GALNT18: variants seen among roughly 807,000 people sequenced by gnomAD.
GALNT18 encodes GalNAc-transferase 18.
Under a neutral mutation model 69.5 loss-of-function variants are expected in GALNT18, and 44 were observed. That is an observed-to-expected ratio of 0.63 (90% confidence interval 0.50 to 0.81). The LOEUF is 0.81. Among genes scored for constraint, GALNT18 ranks in the 40% least tolerant of loss-of-function variants. GALNT18 has a pLI of 0.00. For missense variants in GALNT18, 715 were observed against 810.0 expected (o/e 0.88, Z 1.42); for synonymous variants, 364 against 318.2 (o/e 1.14, Z -1.53).
At chr11:11,323,792 T>C (rs1175384409) in intron 9 of GALNT18, among the ~76,000 whole-genome samples, 1 of 152,230 alleles carries the variant, frequency 6.6e-6, no homozygotes, top group Non-Finnish European at 1.5e-5. Flanking sequence ...TCTACAGGTG[T>C]AATTTCATCT....
rs1589987706 is a variant in GALNT18, at chr11:11,421,609, G to A, written c.595+11012C>T. Among the ~76,000 whole-genome samples, 1 of 152,142 alleles carries A rather than the reference G, an allele frequency of 6.6e-6. No individual in the cohort carries two copies. Among genetic ancestry groups the A allele is most frequent in the African/African-American group, 2.4e-5 (1 of 41,432 alleles). On this transcript the variant is annotated intron_variant, in intron 3 of 10. Transcript: ENST00000227756. The surrounding 1 kb of genome is among the most constrained non-coding windows in gnomAD (Gnocchi z 5.6). ...GACAGGAAACAGAGGCAGGCCAAAC[G>A]CAGGACCAATGCAGAGAAGGTTGGG... is the stretch of plus-strand genomic sequence containing the variant.
intron 1 of GALNT18, among the ~76,000 whole-genome samples, chr11:11,453,238 C>T (rs57116276): frequency 0.025 from 3,770 of 152,286 alleles, 153 homozygotes; most frequent in African/African-American, 0.087. Context: ...CCAGGGGAAA[C>T]ATTACCATGC....
chr11:11,572,131 G>A (rs577252655), intron 1 of GALNT18, among the ~76,000 whole-genome samples: 17 of 152,370 alleles, frequency 1.1e-4, no homozygotes, highest in African/African-American at 3.4e-4. Context: ...GCCGCAGGGC[G>A]TGGGCATCAT....
chr11:11,379,684 C>T (rs1010742888), intron 3 of GALNT18, among the ~76,000 whole-genome samples: 1 of 152,202 alleles, frequency 6.6e-6, no homozygotes, highest in Admixed American at 6.5e-5. Context: ...TCCTATTGGT[C>T]TCCATCTCCA....
chr11:11,489,358 A>T (rs1372337431), intron 1 of GALNT18, among the ~76,000 whole-genome samples: 2 of 152,154 alleles, frequency 1.3e-5, no homozygotes, highest in Non-Finnish European at 2.9e-5. Context: ...GTGCTAGGAG[A>T]GGACTAGTAC....
At chr11:11,447,619 A>G (rs748287450) in intron 2 of GALNT18, among the ~76,000 whole-genome samples, 5 of 152,214 alleles carry the variant, frequency 3.3e-5, no homozygotes, top group Non-Finnish European at 5.9e-5. Context: ...AGGCCTCAGG[A>G]AACTTACAAT....
chr11:11,441,241 C>T (rs565202442), intron 2 of GALNT18, among the ~76,000 whole-genome samples: 12 of 152,312 alleles, frequency 7.9e-5, no homozygotes, highest in Admixed American at 7.8e-4. Context: ...TTAACCAGAA[C>T]CAGAGGTATT....
chr11:11,326,041 CTTT>C (rs34393732), intron 9 of GALNT18, among the ~76,000 whole-genome samples: 63 of 105,406 alleles, frequency 6.0e-4, no homozygotes, highest in Non-Finnish European at 5.9e-4. Context: ...TGCTAAATAT[CTTT>C]TTTTTTTTTT....
chr11:11,353,922 T>C (rs1362740135), intron 6 of GALNT18, among the ~76,000 whole-genome samples: 1 of 152,150 alleles, frequency 6.6e-6, no homozygotes, highest in Non-Finnish European at 1.5e-5. Context: ...ATCAGAGGAA[T>C]GTCTGGTGTC....
chr11:11,345,184 C>T (rs142012629), intron 6 of GALNT18, among the ~76,000 whole-genome samples: 300 of 152,286 alleles, frequency 2.0e-3, no homozygotes, highest in Admixed American at 4.6e-3. Flanking sequence ...AAAGGGCACT[C>T]ATCTATAGAG....
intron 5 of GALNT18, among the ~76,000 whole-genome samples, chr11:11,374,128 A>G (rs767647782): frequency 6.6e-6 from 1 of 152,168 alleles, no homozygotes; most frequent in Non-Finnish European, 1.5e-5. Flanking sequence ...ACAGACCTGC[A>G]GGCATCCTGG....
At chr11:11,279,843 A>G (rs1370380449) in intron 10 of GALNT18, among the ~76,000 whole-genome samples, 5 of 152,154 alleles carry the variant, frequency 3.3e-5, no homozygotes, top group African/African-American at 1.2e-4. Context: ...GTTTTAAACC[A>G]TGGAGTTGAA....
chr11:11,428,893 T>C (rs185712863), intron 3 of GALNT18, among the ~76,000 whole-genome samples: 4 of 152,344 alleles, frequency 2.6e-5, no homozygotes, highest in Admixed American at 2.6e-4. Context: ...ATCGTGTGTG[T>C]ATGGGTGTGA....
chr11:11,559,081 C>G (rs143391875), intron 1 of GALNT18, among the ~76,000 whole-genome samples: 305 of 152,302 alleles, frequency 2.0e-3, no homozygotes, highest in African/African-American at 7.0e-3. Context: ...CCTTCACAGG[C>G]TGTTAAGAGG....
intron 8 of GALNT18, 63 bp from the exon 9 acceptor site, chr11:11,327,244 A>G: frequency 8.3e-7 from 1 of 1,204,636 alleles, no homozygotes; most frequent in Non-Finnish European, 1.2e-6. Context: ...AAATGAATTA[A>G]CTCTGGAGAA....
rs796927501 is a variant in GALNT18 at position 11,444,618 on chromosome 11, G to A, written c.428+4126C>T. Reference sequence around the variant, plus strand: ...CAGCATGGTCCTATCTCAGCCACATGACAAGCTGGGTCAGATTACATCTTT... The same window carrying A: ...CAGCATGGTCCTATCTCAGCCACATAACAAGCTGGGTCAGATTACATCTTT... On this transcript the variant is annotated intron_variant, in intron 2 of 10. Coordinates refer to ENST00000227756, the MANE Select transcript of GALNT18 (RefSeq NM_198516.3). This position sits in a 1 kb window ranked among gnomAD's most constrained non-coding sequence, Gnocchi z 4.4. Among the ~76,000 whole-genome samples, 7 of 152,268 alleles carry A rather than the reference G, an allele frequency of 4.6e-5. No individual in the cohort carries two copies. The highest frequency in any genetic ancestry group is 1.7e-4 in the African/African-American group (7 of 41,560).
In GALNT18 at chr11:11,458,385, A is replaced by G. The variant is rs529229900; in HGVS notation, c.236-9449T>C. ...CATAAAATTCACCCATTTTAAATGT[A>G]CAATTCAATGATTTTTTTAAAAAAA... On this transcript the variant is annotated intron_variant, in intron 1 of 10. Coordinates refer to ENST00000227756, the MANE Select transcript of GALNT18 (RefSeq NM_198516.3). Among the ~76,000 whole-genome samples, 171 of 152,366 alleles carry G rather than the reference A, an allele frequency of 1.1e-3. 1 individual carries two copies. The highest frequency in any genetic ancestry group is 3.9e-3 in the African/African-American group (162 of 41,586).
chr11:11,517,362 T>G (rs1221692659), intron 1 of GALNT18, among the ~76,000 whole-genome samples: 2 of 152,212 alleles, frequency 1.3e-5, no homozygotes, highest in Non-Finnish European at 2.9e-5. Context: ...CTACTGGGAT[T>G]CTGAATCCTG....
intron 1 of GALNT18, among the ~76,000 whole-genome samples, chr11:11,567,703 G>A (rs1858686416): frequency 6.6e-6 from 1 of 152,166 alleles, no homozygotes; most frequent in Non-Finnish European, 1.5e-5. Context: ...GCAAACAGAA[G>A]TTACCCACAA....
Sources: allele counts gnomAD v4.1 joint callset (sites outside exome capture counted in the v4.1 genomes callset), GRCh38; gene constraint gnomAD v4.1.1; non-coding constraint Gnocchi (gnomAD v3.1); transcripts MANE v1.5; gene names NCBI Gene and HGNC (gene_info 2026-07-23, HGNC 2026-07-21).